The following IL1RAPL2 variants were observed in gnomAD, a reference collection of about 807,000 sequenced individuals.
The protein encoded by IL1RAPL2 is interleukin 1 receptor accessory protein like 2, also known as X-linked interleukin-1 receptor accessory protein-like 2.
Under a neutral mutation model 44.1 loss-of-function variants are expected in IL1RAPL2, and 3 were observed. The ratio of observed to expected loss-of-function variants is 0.07; its 90% CI spans 0.03 to 0.18. IL1RAPL2 has a LOEUF of 0.18. IL1RAPL2 is among the 10% of genes least tolerant of loss of function. The pLI is 1.00. For synonymous variants in IL1RAPL2, 181 were observed against 178.8 expected (o/e 1.01, Z -0.10); for missense variants, 391 against 496.4 (o/e 0.79, Z 2.02).
intron 2 of IL1RAPL2, among the ~76,000 whole-genome samples, chrX:105,153,279 T>G: frequency 8.9e-6 from 1 of 112,279 alleles, no homozygotes; most frequent in Non-Finnish European, 1.9e-5. Flanking sequence ...GAACTTGTTT[T>G]ATATTACAGC....
rs762560413 is a variant in IL1RAPL2, at chrX:104,576,433, C to G, written c.-20+9382C>G. Among the ~76,000 whole-genome samples the G allele has an allele frequency of 2.4e-4, 27 of 112,070 alleles. 1 individual carries two copies. The Middle Eastern group carries it at 0.014, about 57-fold the overall frequency. On this transcript the variant is annotated intron_variant, in intron 1 of 10. Transcript: ENST00000372582. ...TTAAAGCTTCAGATGGAGCCATAGA[C>G]ATAGCCCTCTCAACTCTTCAATTTT... is the stretch of plus-strand genomic sequence containing the variant.
At chrX:104,660,028 A>G (rs1318624588) in intron 2 of IL1RAPL2, among the ~76,000 whole-genome samples, 1 of 111,945 alleles carries the variant, frequency 8.9e-6, no homozygotes, top group East Asian at 2.8e-4. Context: ...CAGACTATAA[A>G]ATAGAGTAAC....
At chrX:104,622,160 G>C (rs377415414) in intron 1 of IL1RAPL2, among the ~76,000 whole-genome samples, 2 of 110,204 alleles carry the variant, frequency 1.8e-5, no homozygotes, top group South Asian at 7.8e-4. Flanking sequence ...ATAAGGACTT[G>C]GCAATGTAGG....
chrX:104,815,366 C>T (rs993794157), intron 2 of IL1RAPL2, among the ~76,000 whole-genome samples: 1 of 110,728 alleles, frequency 9.0e-6, no homozygotes, highest in African/African-American at 3.3e-5. Flanking sequence ...GTTTCTTTGT[C>T]TTTTTCACCT....
At chrX:104,641,200 G>A (rs1041317985) in intron 1 of IL1RAPL2, among the ~76,000 whole-genome samples, 1 of 112,060 alleles carries the variant, frequency 8.9e-6, no homozygotes, top group Non-Finnish European at 1.9e-5. Context: ...AGCTGAGGTG[G>A]TAGTGGCTAG....
intron 1 of IL1RAPL2, among the ~76,000 whole-genome samples, chrX:104,627,007 C>T (rs1021561778): frequency 1.1e-4 from 12 of 108,826 alleles, no homozygotes; most frequent in Middle Eastern, 9.3e-3. Context: ...TTAGTAGAGA[C>T]GTGGTTTCAC....
rs1463930211 is a variant in IL1RAPL2 at position 105,621,687 on chromosome X, T to A, written c.773-95680T>A. Among the ~76,000 whole-genome samples, 3 of 111,493 alleles carry A rather than the reference T, an allele frequency of 2.7e-5. No individual in the cohort carries two copies. The East Asian group carries it at 8.5e-4, about 31-fold the overall frequency. ...TGTTAGTCAAAAGGGAAGGGGGATATGTATAGAATCTGTATCTACTTGGTT... is the reference window on the plus strand; with the variant it reads ...TGTTAGTCAAAAGGGAAGGGGGATAAGTATAGAATCTGTATCTACTTGGTT... On this transcript the variant is annotated intron_variant, in intron 6 of 10. Transcript: ENST00000372582.
intron 1 of IL1RAPL2, among the ~76,000 whole-genome samples, chrX:104,650,187 T>C (rs985586473): frequency 1.8e-5 from 2 of 111,230 alleles, no homozygotes; most frequent in Admixed American, 9.6e-5. Context: ...CCATTGCATA[T>C]TTATAGCCAT....
At chrX:104,677,059 G>T (rs776685674) in intron 2 of IL1RAPL2, among the ~76,000 whole-genome samples, 1 of 111,304 alleles carries the variant, frequency 9.0e-6, no homozygotes, top group Non-Finnish European at 1.9e-5. Flanking sequence ...CCCATAGCTC[G>T]GAGAAATTTG....
intron 2 of IL1RAPL2, among the ~76,000 whole-genome samples, chrX:104,671,117 T>C: frequency 9.0e-6 from 1 of 111,135 alleles, no homozygotes. Flanking sequence ...AATTTTTATA[T>C]AAATATAAAA....
intron 2 of IL1RAPL2, among the ~76,000 whole-genome samples, chrX:104,670,781 A>C (rs1329492708): frequency 9.0e-6 from 1 of 111,435 alleles, no homozygotes; most frequent in Non-Finnish European, 1.9e-5. Context: ...TCAGCCTTTC[A>C]TAATTTCTTC....
chrX:104,758,429 T>C (rs1932375132), intron 2 of IL1RAPL2, among the ~76,000 whole-genome samples: 1 of 111,256 alleles, frequency 9.0e-6, no homozygotes, highest in Admixed American at 9.6e-5. Context: ...CATTTGATTA[T>C]AATAAGGATT....
chrX:105,504,167 A>G (rs1409576182), intron 6 of IL1RAPL2, among the ~76,000 whole-genome samples: 1 of 111,595 alleles, frequency 9.0e-6, no homozygotes, highest in Non-Finnish European at 1.9e-5. Context: ...GAATGCCTGG[A>G]TATTTAAGTT....
intron 2 of IL1RAPL2, among the ~76,000 whole-genome samples, chrX:105,018,950 A>T (rs1200694853): frequency 9.0e-6 from 1 of 111,717 alleles, no homozygotes; most frequent in East Asian, 2.8e-4. Flanking sequence ...CTAAAAGGAG[A>T]TTGGAGCCTC....
At chrX:105,547,573 C>T (rs183160334) in intron 6 of IL1RAPL2, among the ~76,000 whole-genome samples, 1 of 112,173 alleles carries the variant, frequency 8.9e-6, no homozygotes, top group East Asian at 2.8e-4. Flanking sequence ...CCTGGGCTCA[C>T]TCATGTGACT....
intron 6 of IL1RAPL2, among the ~76,000 whole-genome samples, chrX:105,620,365 T>C (rs1367626465): frequency 9.0e-6 from 1 of 110,740 alleles, no homozygotes; most frequent in Admixed American, 9.7e-5. Context: ...AATTATGGAG[T>C]TGATTTCCTC....
chrX:105,667,141 T>C (rs1263006375), intron 6 of IL1RAPL2, among the ~76,000 whole-genome samples: 2 of 112,142 alleles, frequency 1.8e-5, no homozygotes, highest in Non-Finnish European at 3.8e-5. Flanking sequence ...AAGAATATTT[T>C]TTTCCAATTT....
chrX:105,417,527 GTATT>G (rs2035743182), intron 5 of IL1RAPL2, among the ~76,000 whole-genome samples: 3 of 112,595 alleles, frequency 2.7e-5, no homozygotes, highest in African/African-American at 9.7e-5. Context: ...GAAAGAAAGA[GTATT>G]CATTTGGTCA....
rs199536529 is a variant in IL1RAPL2 at position 105,312,719 on chromosome X, G to GT, written c.697+45187dup. On this transcript the variant is annotated intron_variant, in intron 5 of 10. Coordinates refer to ENST00000372582, the MANE Select transcript of IL1RAPL2 (RefSeq NM_017416.2). ...AGTCAACTTTGCATAACCTTATATAGTTTTTTTTTGTGGTGAGAACACTTA... is the reference window on the plus strand; with the variant it reads ...AGTCAACTTTGCATAACCTTATATAGTTTTTTTTTTGTGGTGAGAACACTTA... Among the ~76,000 whole-genome samples the GT allele has an allele frequency of 8.4e-3, 925 of 109,499 alleles. 11 individuals are homozygous for GT. The highest frequency in any genetic ancestry group is 0.029 in the African/African-American group (866 of 30,245).
Sources: allele counts gnomAD v4.1 joint callset (sites outside exome capture counted in the v4.1 genomes callset), GRCh38; gene constraint gnomAD v4.1.1; transcripts MANE v1.5; gene names NCBI Gene and HGNC (gene_info 2026-07-23, HGNC 2026-07-21).